DNAJC1: variants seen among roughly 807,000 people sequenced by gnomAD.
DNAJC1 encodes DnaJ heat shock protein family (Hsp40) member C1.
In DNAJC1, 58 loss-of-function variants were observed where a neutral mutation model predicts 76.6. The ratio of observed to expected loss-of-function variants is 0.76; its 90% CI spans 0.61 to 0.94. The LOEUF (loss-of-function observed/expected upper bound fraction) is 0.94, where lower values mean the gene tolerates loss of function less well. DNAJC1 is among the 40% of genes least tolerant of loss of function. DNAJC1 has a pLI of 0.00. For synonymous variants in DNAJC1, 258 were observed against 267.9 expected (o/e 0.96, Z 0.36); for missense variants, 689 against 677.3 (o/e 1.02, Z -0.19).
rs1346594916 is a variant in DNAJC1 at position 21,919,811 on chromosome 10, AG to A, written c.635+20del. On this transcript the variant is annotated intron_variant, in intron 5 of 11. Coordinates refer to ENST00000376980, the MANE Select transcript of DNAJC1 (RefSeq NM_022365.4). ...ATTTTAAAACAGCTTCAAATTATAA[AG>A]TATTTTTATATGCTCTCACCTTTCA... 2.6e-6 allele frequency: 4 copies of A among 1,535,586 alleles called. No homozygotes were observed. In the South Asian group the frequency reaches 4.7e-5, roughly 18 times the overall value.
intron 6 of DNAJC1, among the ~76,000 whole-genome samples, chr10:21,917,025 G>A (rs770192063): frequency 8.6e-5 from 13 of 151,884 alleles, no homozygotes; most frequent in Non-Finnish European, 1.3e-4. Context: ...TTAAAAATTA[G>A]ATTTAAAAGG....
intron 1 of DNAJC1, among the ~76,000 whole-genome samples, chr10:21,962,459 CTTTTTTTT>C (rs34817098): frequency 2.5e-5 from 1 of 39,890 alleles, no homozygotes; most frequent in Admixed American, 4.3e-4. Context: ...TATTTTATTG[CTTTTTTTT>C]TTTTTTTTTT....
chr10:21,759,697 C>T, intron 10 of DNAJC1, 79 bp from the exon 11 acceptor site: 1 of 1,358,186 alleles, frequency 7.4e-7, no homozygotes, highest in Middle Eastern at 2.1e-4. Context: ...CTGCCGGGCA[C>T]AGAGCAGGCA....
At chr10:21,986,854 G>A (rs1009261667) in intron 1 of DNAJC1, among the ~76,000 whole-genome samples, 6 of 151,844 alleles carry the variant, frequency 4.0e-5, no homozygotes, top group Non-Finnish European at 5.9e-5. Flanking sequence ...TGCAAACTCC[G>A]CCTCCCAGGT....
At chr10:21,962,451 T>A (rs2807967) in intron 1 of DNAJC1, among the ~76,000 whole-genome samples, 10 of 126,316 alleles carry the variant, frequency 7.9e-5, no homozygotes, top group South Asian at 2.6e-4. Flanking sequence ...AAACTTGCTA[T>A]TTTATTGCTT....
At chr10:21,901,356 C>T (rs919308537) in intron 7 of DNAJC1, among the ~76,000 whole-genome samples, 8 of 151,902 alleles carry the variant, frequency 5.3e-5, no homozygotes, top group African/African-American at 1.5e-4. Context: ...TTTTCTCATG[C>T]GATATGGGCT....
At chr10:21,883,020 C>G (rs553049571) in intron 7 of DNAJC1, among the ~76,000 whole-genome samples, 1 of 152,186 alleles carries the variant, frequency 6.6e-6, no homozygotes, top group South Asian at 2.1e-4. Flanking sequence ...GAGGCCAAGG[C>G]AGGTGCATCA....
intron 1 of DNAJC1, among the ~76,000 whole-genome samples, chr10:21,931,395 A>G (rs1041511971): frequency 6.6e-6 from 1 of 152,252 alleles, no homozygotes; most frequent in South Asian, 2.1e-4. Context: ...TTCTACCTCA[A>G]GTAGATACGG....
intron 8 of DNAJC1, among the ~76,000 whole-genome samples, chr10:21,864,479 G>A (rs750163171): frequency 5.3e-5 from 8 of 151,758 alleles, no homozygotes; most frequent in Non-Finnish European, 7.4e-5. Flanking sequence ...AAAACTAGCC[G>A]AGCGTGGTGG....
intron 1 of DNAJC1, among the ~76,000 whole-genome samples, chr10:21,974,166 C>A (rs939811799): frequency 1.1e-4 from 16 of 151,284 alleles, no homozygotes; most frequent in African/African-American, 3.6e-4. Context: ...AACCTACCAA[C>A]CAGATAGGTC....
At chr10:21,770,732 A>G (rs1157258007) in intron 9 of DNAJC1, among the ~76,000 whole-genome samples, 3 of 152,208 alleles carry the variant, frequency 2.0e-5, no homozygotes, top group Admixed American at 2.0e-4. Flanking sequence ...CTCTGGGTAC[A>G]TATACTTTTA....
At chr10:21,775,245 T>C (rs554698541) in intron 9 of DNAJC1, among the ~76,000 whole-genome samples, 4 of 151,582 alleles carry the variant, frequency 2.6e-5, no homozygotes, top group African/African-American at 7.3e-5. Context: ...TTCTGTGTGG[T>C]CCAATGATAA....
At chr10:21,765,579 G>A (rs947535018) in intron 10 of DNAJC1, among the ~76,000 whole-genome samples, 1 of 152,210 alleles carries the variant, frequency 6.6e-6, no homozygotes, top group Admixed American at 6.5e-5. Flanking sequence ...GAGCACGGTG[G>A]CTCACGCCTG....
intron 1 of DNAJC1, among the ~76,000 whole-genome samples, chr10:21,992,546 CCA>C (rs1838343532): frequency 2.6e-5 from 4 of 151,310 alleles, no homozygotes; most frequent in African/African-American, 4.9e-5. Flanking sequence ...GAGCAAGACT[CCA>C]TTTCAAAAAA....
Position 21,759,151 on chromosome 10 carries a change from C to G in DNAJC1, c.1596+19G>C. 2.5e-6 allele frequency: 4 copies of G among 1,604,160 alleles called. No individual in the cohort carries two copies. The highest frequency in any genetic ancestry group is 3.4e-6 in the Non-Finnish European group (4 of 1,174,930). The stretch of plus-strand genomic sequence containing the variant: ...GGGATTCTAACACCTGTGCAGAGGC[C>G]TCTTTCCCCATCACTCACCTTGCTC... On this transcript the variant is annotated intron_variant, in intron 11 of 11. Coordinates refer to ENST00000376980, the MANE Select transcript of DNAJC1 (RefSeq NM_022365.4).
At chr10:21,827,559 G>A (rs556222522) in intron 8 of DNAJC1, among the ~76,000 whole-genome samples, 1 of 152,092 alleles carries the variant, frequency 6.6e-6, no homozygotes, top group South Asian at 2.1e-4. Context: ...CTCTCTCCTC[G>A]TCAGCAATCC....
intron 1 of DNAJC1, among the ~76,000 whole-genome samples, chr10:21,998,128 C>T (rs762766663): frequency 1.3e-5 from 2 of 152,094 alleles, no homozygotes; most frequent in Non-Finnish European, 2.9e-5. Flanking sequence ...CAGTGGTTCA[C>T]GCCTGTAATC....
chr10:21,894,066 C>T (rs1422801178), intron 7 of DNAJC1, among the ~76,000 whole-genome samples: 1 of 152,060 alleles, frequency 6.6e-6, no homozygotes, highest in Non-Finnish European at 1.5e-5. Flanking sequence ...AGACCAATTG[C>T]TCAAAAAACA....
chr10:21,853,434 C>G (rs959007538), intron 8 of DNAJC1, among the ~76,000 whole-genome samples: 1 of 151,944 alleles, frequency 6.6e-6, no homozygotes, highest in African/African-American at 2.4e-5. Context: ...GTAAACTGAC[C>G]ACGTTTATGG....
Sources: gnomAD v4.1 joint callset for allele counts (sites outside exome capture counted in the v4.1 genomes callset) on GRCh38, gnomAD v4.1.1 for gene constraint, MANE v1.5 for transcripts, NCBI Gene and HGNC (gene_info 2026-07-23, HGNC 2026-07-21) for gene names.